The following CDK14 variants were observed in gnomAD, a reference collection of about 807,000 sequenced individuals.
The protein encoded by CDK14 is cyclin-dependent kinase 14.
CDK14 carries 34 observed loss-of-function variants against 60.7 expected under a neutral mutation model. That is an observed-to-expected ratio of 0.56 (90% CI 0.43 to 0.75). CDK14 has a LOEUF of 0.75. Ranked by LOEUF, CDK14 falls within the 30% of genes least tolerant of loss-of-function variation. The probability of loss-of-function intolerance (pLI) is 0.00; values close to 1 mark genes in which losing one functional copy is unlikely to be tolerated. For synonymous variants in CDK14, 197 were observed against 203.7 expected (o/e 0.97, Z 0.28); for missense variants, 482 against 564.1 (o/e 0.85, Z 1.47).
At chr7:91,063,540 C>G (rs948814614) in intron 11 of CDK14, among the ~76,000 whole-genome samples, 2 of 152,190 alleles carry the variant, frequency 1.3e-5, no homozygotes, top group Non-Finnish European at 2.9e-5. Context: ...TAAACAGATG[C>G]TCATGCCTTT....
At chr7:90,740,768 A>G (rs1436720201) in intron 3 of CDK14, among the ~76,000 whole-genome samples, 1 of 152,174 alleles carries the variant, frequency 6.6e-6, no homozygotes, top group Non-Finnish European at 1.5e-5. Context: ...AACACTGTTA[A>G]TTTGTTTTCT....
chr7:91,142,538 T>C (rs1322539471), intron 14 of CDK14, among the ~76,000 whole-genome samples: 1 of 152,230 alleles, frequency 6.6e-6, no homozygotes, highest in Non-Finnish European at 1.5e-5. Flanking sequence ...AAGAGCCTAT[T>C]TCCTTGTATA....
chr7:90,622,581 G>A (rs1799794018), intron 2 of CDK14, among the ~76,000 whole-genome samples: 4 of 152,262 alleles, frequency 2.6e-5, no homozygotes, highest in South Asian at 2.1e-4. Flanking sequence ...AAAATTAAAA[G>A]CATTTGAGAT....
At chr7:90,953,489 C>T (rs1320283335) in intron 8 of CDK14, among the ~76,000 whole-genome samples, 1 of 152,044 alleles carries the variant, frequency 6.6e-6, no homozygotes, top group African/African-American at 2.4e-5. Context: ...AATATTTAAC[C>T]AGTCTAGCAA....
rs553577339 is a variant in CDK14 at position 91,003,190 on chromosome 7, G to A, written c.1041+18949G>A. On this transcript the variant is annotated intron_variant, in intron 10 of 14. Transcript: ENST00000380050. ...TATTTCAGTGAATGGCAGTTTAAGA[G>A]TCACTCTTAATTCTTATCCTGTCCT... 5.9e-5 allele frequency among the ~76,000 whole-genome samples: 9 copies of A among 152,306 alleles called. No homozygotes were observed. In the East Asian group the frequency reaches 1.7e-3, roughly 29 times the overall value.
chr7:90,829,181 C>T (rs57720372), intron 5 of CDK14, among the ~76,000 whole-genome samples: 2,120 of 152,200 alleles, frequency 0.014, 64 homozygotes, highest in African/African-American at 0.049. Flanking sequence ...GTAGGTATTA[C>T]AATTTGAGAT....
At chr7:90,810,204 C>T (rs756458841) in intron 5 of CDK14, among the ~76,000 whole-genome samples, 77 of 152,254 alleles carry the variant, frequency 5.1e-4, no homozygotes, top group Non-Finnish European at 9.3e-4. Flanking sequence ...TCATGAACAT[C>T]GATGCAGAAA....
chr7:90,854,759 G>A (rs1790766736), intron 5 of CDK14, among the ~76,000 whole-genome samples: 2 of 151,276 alleles, frequency 1.3e-5, no homozygotes, highest in African/African-American at 2.4e-5. Flanking sequence ...ACTGCCTAAC[G>A]GCTTTTAAAC....
intron 11 of CDK14, among the ~76,000 whole-genome samples, chr7:91,074,186 C>T (rs1241732621): frequency 6.6e-6 from 1 of 152,332 alleles, no homozygotes; most frequent in East Asian, 1.9e-4. Context: ...CCCAAATCCA[C>T]AGAATATACA....
chr7:90,754,227 CTATAT>C, intron 4 of CDK14, among the ~76,000 whole-genome samples: 1 of 152,256 alleles, frequency 6.6e-6, no homozygotes, highest in African/African-American at 2.4e-5. Flanking sequence ...TGAATTCAAA[CTATAT>C]TATAAGGCTA....
chr7:90,903,573 GTGGGGGA>G (rs1299125091), intron 7 of CDK14, among the ~76,000 whole-genome samples: 1 of 152,170 alleles, frequency 6.6e-6, no homozygotes, highest in African/African-American at 2.4e-5. Flanking sequence ...GGATTTTGGA[GTGGGGGA>G]TGAAGAGAGG....
chr7:90,693,267 A>G (rs1455491806), intron 2 of CDK14, among the ~76,000 whole-genome samples: 1 of 152,144 alleles, frequency 6.6e-6, no homozygotes, highest in South Asian at 2.1e-4. Context: ...GCTCTCCTTC[A>G]TACTTAAATA....
chr7:90,814,288 C>A (rs1370901435), intron 5 of CDK14, among the ~76,000 whole-genome samples: 2 of 152,226 alleles, frequency 1.3e-5, no homozygotes, highest in South Asian at 2.1e-4. Context: ...AGTACTCTTA[C>A]AGTCGGAAGG....
chr7:90,726,793 G>A lies in CDK14; in HGVS notation c.350G>A (p.Arg117Gln), dbSNP rs766100371. Residue 117 changes from arginine to glutamine, a missense_variant, in exon 3 of 15, where the codon CGG becomes CAG. By Grantham distance (43) the Arg-to-Gln change is conservative (BLOSUM62 1). Transcript: ENST00000380050. The stretch of plus-strand genomic sequence containing the variant: ...GGCAAAGAGTCACCTAAAGTTAGGC[G>A]GCACTCCAGCCCCAGCTCGGTAAGT... The part of the protein sequence containing the change: ...STGKESPKVR[R>Q]HSSPSSPTSP... 3.7e-6 allele frequency: 6 copies of A among 1,613,524 alleles called. No individual in the cohort carries two copies. Among genetic ancestry groups the A allele is most frequent in the East Asian group, 2.2e-5 (1 of 44,870 alleles).
At chr7:90,651,078 C>G (rs1032352288) in intron 2 of CDK14, among the ~76,000 whole-genome samples, 1 of 152,152 alleles carries the variant, frequency 6.6e-6, no homozygotes, top group African/African-American at 2.4e-5. Context: ...ACTGATTCTT[C>G]CTATCCATGA....
At chr7:91,174,457 G>A (rs1225237854) in intron 14 of CDK14, among the ~76,000 whole-genome samples, 1 of 151,908 alleles carries the variant, frequency 6.6e-6, no homozygotes, top group African/African-American at 2.4e-5. Context: ...GCTGGATGGA[G>A]AATGACTTTG....
chr7:90,664,845 C>T (rs991585748), intron 2 of CDK14, among the ~76,000 whole-genome samples: 6 of 151,886 alleles, frequency 4.0e-5, no homozygotes, highest in South Asian at 4.2e-4. Flanking sequence ...TGCTAAATGA[C>T]GAGTTAATTG....
chr7:90,661,503 G>A (rs570912949), intron 2 of CDK14, among the ~76,000 whole-genome samples: 1 of 152,264 alleles, frequency 6.6e-6, no homozygotes, highest in Admixed American at 6.5e-5. Flanking sequence ...ATGAAATTGG[G>A]CAGTGACTGG....
At chr7:91,015,566 T>C (rs4639433) in intron 10 of CDK14, among the ~76,000 whole-genome samples, 93,547 of 136,028 alleles carry the variant, frequency 0.69, 33,047 homozygotes, top group African/African-American at 0.81. Context: ...CTCGCTTTGT[T>C]GCCCAGGCTG....
Sources: allele counts gnomAD v4.1 joint callset (sites outside exome capture counted in the v4.1 genomes callset), GRCh38; gene constraint gnomAD v4.1.1; transcripts MANE v1.5; gene names NCBI Gene and HGNC (gene_info 2026-07-23, HGNC 2026-07-21).